Variants in PLA2G4E observed in about 807,000 individuals in gnomAD.
PLA2G4E encodes cytosolic phospholipase A2 epsilon.
A neutral mutation model predicts 109.1 loss-of-function variants in PLA2G4E; 84 were observed. That is an observed-to-expected ratio of 0.77 (90% CI 0.65 to 0.92). PLA2G4E has a LOEUF of 0.92. PLA2G4E is among the 40% of genes least tolerant of loss of function. PLA2G4E has a pLI of 0.00. For synonymous variants in PLA2G4E, 469 were observed against 436.1 expected (o/e 1.08, Z -0.94); for missense variants, 1,057 against 1,076.6 (o/e 0.98, Z 0.25).
At chr15:42,001,014 G>T in intron 7 of PLA2G4E, 143 bp downstream of exon 7, 1 of 780,876 alleles carries the variant, frequency 1.3e-6, no homozygotes, top group South Asian at 1.8e-5. Flanking sequence ...CCCTGGGGGT[G>T]AGATGATTCT....
chr15:41,986,029 C>A, intron 17 of PLA2G4E, 24 bp from the exon 18 acceptor site: 1 of 1,571,598 alleles, frequency 6.4e-7, no homozygotes, highest in South Asian at 1.2e-5. Context: ...CTTCCCGTTA[C>A]CAACACACCT....
exon 13 of PLA2G4E, chr15:41,992,931 C>T (rs764020209): frequency 6.8e-6 from 11 of 1,613,476 alleles, no homozygotes; most frequent in Non-Finnish European, 9.3e-6. Flanking sequence ...GAGGACCAGT[C>T]AGGGTCACGG....
rs2068157716 is a variant in PLA2G4E at position 41,987,290 on chromosome 15, G to T, written c.1917C>A (p.Ser639=). 6.2e-6 allele frequency: 10 copies of T among 1,613,960 alleles called. No homozygotes were observed. The East Asian group carries it at 2.2e-4, about 36-fold the overall frequency. The change falls in exon 17 of 20, where the codon TCC becomes TCA. Residue 639 remains serine, a synonymous_variant. Transcript: ENST00000399518. ...GGGTAAGGATTTCTCGGAAAGAATT[G>T]GACAGCCATGACCCTGGGATCACTA... is the stretch of plus-strand genomic sequence containing the variant.
In PLA2G4E at chr15:42,036,607, C is replaced by T. The variant is rs368245275; in HGVS notation, c.183+13914G>A. 1.6e-4 allele frequency among the ~76,000 whole-genome samples: 25 copies of T among 152,290 alleles called. No homozygotes were observed. The East Asian group carries it at 3.9e-3, about 24-fold the overall frequency. On this transcript the variant is annotated intron_variant, in intron 1 of 19. Coordinates refer to ENST00000399518, the Ensembl canonical transcript of PLA2G4E. ...ACACTCCCAAAGGCTGGGCCAGGGC[C>T]TGCCATCCACACCACCCTGGACCGC...
At chr15:42,026,380 C>T (rs2141068621) in intron 1 of PLA2G4E, among the ~76,000 whole-genome samples, 1 of 152,280 alleles carries the variant, frequency 6.6e-6, no homozygotes, top group Admixed American at 6.5e-5. Flanking sequence ...TAAAAGAAAA[C>T]AGCATTCCCA....
intron 1 of PLA2G4E, among the ~76,000 whole-genome samples, chr15:42,017,020 A>G (rs140205047): frequency 3.2e-4 from 48 of 152,330 alleles, no homozygotes; most frequent in African/African-American, 1.2e-3. Flanking sequence ...GGCAGGGTCA[A>G]CTTTCACCAG....
At chr15:41,994,904 C>T (rs775176955) in intron 12 of PLA2G4E, among the ~76,000 whole-genome samples, 1 of 152,234 alleles carries the variant, frequency 6.6e-6, no homozygotes, top group African/African-American at 2.4e-5. Flanking sequence ...CTGACCTCAC[C>T]CTGGCCTCCC....
exon 16 of PLA2G4E, chr15:41,988,099 G>T: frequency 6.2e-7 from 1 of 1,608,392 alleles, no homozygotes; most frequent in Non-Finnish European, 8.5e-7. Flanking sequence ...CTCCTCCGAG[G>T]TGTGTGACAG....
At chr15:42,010,138 C>CCCCT (rs745521251) in intron 2 of PLA2G4E, 3 of 477,188 alleles carry the variant, frequency 6.3e-6, no homozygotes. Context: ...ACTGGCCCCC[C>CCCCT]CACCCCGGGC....
At chr15:42,045,628 T>C (rs950710126) in intron 1 of PLA2G4E, among the ~76,000 whole-genome samples, 2 of 152,164 alleles carry the variant, frequency 1.3e-5, no homozygotes, top group African/African-American at 4.8e-5. Flanking sequence ...TTCTCATGGG[T>C]TGCTTCCAGC....
At chr15:41,999,263 A>G (rs2068386737) in intron 10 of PLA2G4E, among the ~76,000 whole-genome samples, 1 of 152,204 alleles carries the variant, frequency 6.6e-6, no homozygotes, top group African/African-American at 2.4e-5. Flanking sequence ...CAAATCATAT[A>G]TCTGACAAGG....
At chr15:41,985,844 T>C in exon 18 of PLA2G4E, 1 of 1,610,190 alleles carries the variant, frequency 6.2e-7, no homozygotes. Context: ...CTTGCCTTTG[T>C]CTGGGACCCA....
exon 3 of PLA2G4E, chr15:42,007,826 G>A: frequency 6.2e-7 from 1 of 1,609,522 alleles, no homozygotes; most frequent in Non-Finnish European, 8.5e-7. Context: ...CTGAGAGGCG[G>A]TGGGCAGCCA....
intron 2 of PLA2G4E, chr15:42,010,259 C>T (rs767045588): frequency 4.7e-6 from 2 of 429,220 alleles, no homozygotes; most frequent in Non-Finnish European, 9.6e-6. Context: ...ATTTGATGGA[C>T]CCTGTAAGAG....
chr15:42,006,147 C>T (rs752782197), intron 3 of PLA2G4E, 26 bp from the exon 4 acceptor site: 11 of 1,612,248 alleles, frequency 6.8e-6, no homozygotes, highest in Admixed American at 6.7e-5. Context: ...GGATGCCAGT[C>T]TGGTTACCAC....
chr15:41,999,049 C>CAAAATAAAATAAAATAAAATAAAAT (rs55757327), intron 10 of PLA2G4E: 37 of 146,246 alleles, frequency 2.5e-4, no homozygotes, highest in African/African-American at 9.4e-4. Context: ...GACTCCATTT[C>CAAAATAAAATAAAATAAAATAAAAT]AAAATAAAAT....
rs2068458543 is a variant in PLA2G4E, at chr15:42,004,869, A to C, written c.566+69T>G. On this transcript the variant is annotated intron_variant, in intron 5 of 19. Transcript: ENST00000399518. ...CAGCAAAAAGGCCGACCTGCCTCTG[A>C]AATGCTCGTTCCCAGAAGCTACTTG... 1.9e-6 allele frequency: 3 copies of C among 1,572,706 alleles called. No homozygotes were observed. The East Asian group carries it at 6.8e-5, about 36-fold the overall frequency.
chr15:42,008,996 C>T (rs906046510), intron 2 of PLA2G4E: 4 of 152,274 alleles, frequency 2.6e-5, no homozygotes, highest in Non-Finnish European at 5.9e-5. Context: ...AATCAACAGC[C>T]CTGATCTAAA....
intron 1 of PLA2G4E, among the ~76,000 whole-genome samples, chr15:42,046,224 G>T (rs1407837303): frequency 6.6e-6 from 1 of 152,174 alleles, no homozygotes; most frequent in Non-Finnish European, 1.5e-5. Flanking sequence ...CAGACAAAGT[G>T]ATGCAGGTAA....
Sources: allele counts gnomAD v4.1 joint callset (sites outside exome capture counted in the v4.1 genomes callset), GRCh38; gene constraint gnomAD v4.1.1; transcripts MANE v1.5; gene names NCBI Gene and HGNC (gene_info 2026-07-23, HGNC 2026-07-21).